Variants in SSBP4 observed in about 807,000 individuals in gnomAD.
SSBP4 encodes the protein single-stranded DNA-binding protein 4.
Under a neutral mutation model 64.6 loss-of-function variants are expected in SSBP4, and 33 were observed. The ratio of observed to expected loss-of-function variants is 0.51; its 90% CI spans 0.39 to 0.68. SSBP4 has a LOEUF of 0.68. Among genes scored for constraint, SSBP4 ranks in the 30% least tolerant of loss-of-function variants. SSBP4 has a pLI of 0.00. For missense variants in SSBP4, 583 were observed against 566.8 expected, an observed-to-expected ratio of 1.03 and a Z score of -0.29; for synonymous variants, 243 against 224.0, an observed-to-expected ratio of 1.08 and a Z score of -0.76.
At chr19:18,428,183 G>A (rs1242213757) in intron 4 of SSBP4, among the ~76,000 whole-genome samples, 1 of 152,182 alleles carries the variant, frequency 6.6e-6, no homozygotes, top group African/African-American at 2.4e-5. Flanking sequence ...TTGGTCCAGG[G>A]TCACTCACAG....
chr19:18,423,481 G>A lies in SSBP4; in HGVS notation c.59+3774G>A, dbSNP rs1375246545. On this transcript the variant is annotated intron_variant, in intron 1 of 17. Transcript: ENST00000270061. The surrounding 1 kb of genome is among the most constrained non-coding windows in gnomAD (Gnocchi z 4.0). The stretch of plus-strand genomic sequence containing the variant: ...GCGAGGGTTGGAGGGTCAGGAGTGA[G>A]ACCTGGTGACGGATGGCAAGGTGAC... Among the ~76,000 whole-genome samples, 1 of 152,178 alleles carries A rather than the reference G, an allele frequency of 6.6e-6. No homozygotes were observed. Among genetic ancestry groups the A allele is most frequent in the Admixed American group, 6.5e-5 (1 of 15,284 alleles).
intron 17 of SSBP4, 178 bp from the exon 18 acceptor site, chr19:18,434,021 CATCCGCCCCCACCCCGGG>C (rs1973780151): frequency 7.8e-7 from 1 of 1,288,148 alleles, no homozygotes; most frequent in Non-Finnish European, 9.8e-7. Context: ...GTCCCGATCC[CATCCGCCCCCACCCCGGG>C]ACCCGCGCCC....
chr19:18,414,273 C>T (rs1406685727), upstream of SSBP4, among the ~76,000 whole-genome samples: 2 of 152,158 alleles, frequency 1.3e-5, no homozygotes, highest in Admixed American at 6.5e-5. Context: ...GCCTCTGGGT[C>T]GCTCACATGA....
upstream of SSBP4, chr19:18,419,147 G>C (rs1488362479): frequency 1.9e-5 from 19 of 985,428 alleles, no homozygotes; most frequent in Non-Finnish European, 2.2e-5. Flanking sequence ...GGCTCCATTT[G>C]AGGTGAGTGA....
Position 18,419,638 on chromosome 19 carries a change from C to T in SSBP4, c.-11C>T. Reference sequence around the variant, plus strand: ...CAGGTGTGGGCCCCGGCGGCGGCGGCGTGGAGCAGCATGTACGCCAAGGGG... The same window carrying T: ...CAGGTGTGGGCCCCGGCGGCGGCGGTGTGGAGCAGCATGTACGCCAAGGGG... On this transcript the variant is annotated 5_prime_UTR_variant, in exon 1 of 18. Coordinates refer to ENST00000270061, the MANE Select transcript of SSBP4 (RefSeq NM_032627.5). 7.9e-7 allele frequency: 1 copy of T among 1,261,754 alleles called. No individual in the cohort carries two copies. Among genetic ancestry groups the T allele is most frequent in the Non-Finnish European group, 1.0e-6 (1 of 998,764 alleles). 78.2% of individuals were successfully genotyped at this position (1,261,754 alleles called of 1,614,324 possible).
intron 15 of SSBP4, 65 bp from the exon 16 acceptor site, chr19:18,433,520 C>A: frequency 1.3e-6 from 2 of 1,540,006 alleles, no homozygotes; most frequent in Non-Finnish European, 8.7e-7. Context: ...TCGTTGGCCC[C>A]TGGAGGCCGA....
chr19:18,416,365 G>T (rs1352822544), upstream of SSBP4, among the ~76,000 whole-genome samples: 2 of 152,150 alleles, frequency 1.3e-5, no homozygotes, highest in African/African-American at 4.8e-5. Context: ...AGGCTGAAGT[G>T]CAGTGGCACG....
rs1390273930 is a variant in SSBP4, at chr19:18,427,452, C to T, written c.132+29C>T. ...AGCCACCACCTCCAGGCTGGCCCTC[C>T]CTCCTCACCCACACTCCGGGGGTCC... On this transcript the variant is annotated intron_variant, in intron 2 of 17. Transcript: ENST00000270061. The surrounding 1 kb of genome is among the most constrained non-coding windows in gnomAD (Gnocchi z 4.4). The T allele has an allele frequency of 1.9e-6, 3 of 1,604,568 alleles. No individual in the cohort carries two copies. The Admixed American group carries it at 5.0e-5, about 27-fold the overall frequency.
At chr19:18,412,410 G>A in the SSBP4 span, among the ~76,000 whole-genome samples, 5 of 145,660 alleles carry the variant, frequency 3.4e-5, no homozygotes, top group Admixed American at 2.1e-4. Flanking sequence ...GCAGTGAGTC[G>A]AGATCGCACC....
chr19:18,433,340 C>T, intron 15 of SSBP4, 127 bp downstream of exon 15: 2 of 1,339,262 alleles, frequency 1.5e-6, no homozygotes, highest in Non-Finnish European at 2.0e-6. Flanking sequence ...CCCCCGGGGG[C>T]CGCTCAGTGA....
chr19:18,428,815 T>C (rs1221017520), intron 4 of SSBP4, among the ~76,000 whole-genome samples: 2 of 152,152 alleles, frequency 1.3e-5, no homozygotes, highest in African/African-American at 4.8e-5. Context: ...GAAGCCCTCC[T>C]GGCGTCACTG....
intron 1 of SSBP4, among the ~76,000 whole-genome samples, chr19:18,421,211 TC>T (rs1352037357): frequency 6.6e-5 from 10 of 152,246 alleles, no homozygotes; most frequent in African/African-American, 2.2e-4. Flanking sequence ...AAGAGGCTCT[TC>T]TGGCTAGAAG....
the SSBP4 span, among the ~76,000 whole-genome samples, chr19:18,405,251 C>A: frequency 1.3e-5 from 2 of 152,156 alleles, no homozygotes; most frequent in African/African-American, 4.8e-5. Context: ...CTGCCCTCCC[C>A]CTTCCCCAGC....
chr19:18,416,534 A>T (rs1274358808), upstream of SSBP4, among the ~76,000 whole-genome samples: 1 of 151,830 alleles, frequency 6.6e-6, no homozygotes, highest in African/African-American at 2.4e-5. Flanking sequence ...TCGCGGCTCC[A>T]CACCCTCCCA....
rs901750144 is a variant in SSBP4 at position 18,419,477 on chromosome 19, TGCC to T, written c.-160_-158del. ...CCGGGGCCGGAGCTGGAGCCGCCGC[TGCC>T]GCCGCCGCCGCGGCCGTCTGGAGCT... is the stretch of plus-strand genomic sequence containing the variant. On this transcript the variant is annotated 5_prime_UTR_variant, in exon 1 of 18. Coordinates refer to ENST00000270061, the MANE Select transcript of SSBP4 (RefSeq NM_032627.5). The T allele has an allele frequency of 3.6e-5, 39 of 1,077,668 alleles. No homozygotes were observed. In the East Asian group the frequency reaches 3.8e-4, roughly 10 times the overall value. The allele number at this position is 1,077,668 out of a possible 1,614,324, so 66.8% of individuals were successfully genotyped here.
intron 5 of SSBP4, 132 bp downstream of exon 5, chr19:18,431,062 C>T: frequency 9.4e-7 from 1 of 1,061,854 alleles, no homozygotes; most frequent in Admixed American, 2.3e-5. Flanking sequence ...CTCTGTGCCG[C>T]AGGTGTGCCC....
At chr19:18,413,551 T>C in the SSBP4 span, among the ~76,000 whole-genome samples, 2 of 152,088 alleles carry the variant, frequency 1.3e-5, no homozygotes, top group Non-Finnish European at 2.9e-5. Context: ...TCATTTTGAT[T>C]TCCCAGAAAA....
rs1304923738 is a variant in SSBP4 at position 18,419,598 on chromosome 19, C to T, written c.-51C>T. The T allele has an allele frequency of 1.1e-5, 14 of 1,236,110 alleles. No individual in the cohort carries two copies. The highest frequency in any genetic ancestry group is 4.3e-5 in the Admixed American group (1 of 23,180). 76.6% of individuals were successfully genotyped at this position (1,236,110 alleles called of 1,614,324 possible). Reference sequence around the variant, plus strand: ...AGCTATGGCGACGGCAAGCGCGGCCCGCGGCGCCGCCTGACAGGTGTGGGC... The same window carrying T: ...AGCTATGGCGACGGCAAGCGCGGCCTGCGGCGCCGCCTGACAGGTGTGGGC... On this transcript the variant is annotated 5_prime_UTR_variant, in exon 1 of 18. Coordinates refer to ENST00000270061, the MANE Select transcript of SSBP4 (RefSeq NM_032627.5).
At chr19:18,408,694 T>C in the SSBP4 span, among the ~76,000 whole-genome samples, 3 of 152,236 alleles carry the variant, frequency 2.0e-5, no homozygotes, top group Non-Finnish European at 4.4e-5. Flanking sequence ...GGTTTTGCCA[T>C]GTTGGCCAGG....
Sources: gnomAD v4.1 joint callset for allele counts (sites outside exome capture counted in the v4.1 genomes callset) on GRCh38, gnomAD v4.1.1 for gene constraint, Gnocchi (gnomAD v3.1) non-coding constraint, MANE v1.5 for transcripts, NCBI Gene and HGNC (gene_info 2026-07-23, HGNC 2026-07-21) for gene names.